The following DGKD variants were observed in gnomAD, a reference collection of about 807,000 sequenced individuals.
DGKD encodes DAG kinase delta.
Under a neutral mutation model 154.4 loss-of-function variants are expected in DGKD, and 68 were observed. The ratio of observed to expected loss-of-function variants is 0.44; its 90% confidence interval spans 0.36 to 0.54. DGKD has a LOEUF of 0.54. Ranked by LOEUF, DGKD falls within the 20% of genes least tolerant of loss-of-function variation. The probability of loss-of-function intolerance (pLI) is 0.00; values close to 1 mark genes in which losing one functional copy is unlikely to be tolerated. For synonymous variants in DGKD, 693 were observed against 638.0 expected, an observed-to-expected ratio of 1.09 and a Z score of -1.30; for missense variants, 1,343 against 1,593.6, an observed-to-expected ratio of 0.84 and a Z score of 2.68.
rs553716078 is a variant in DGKD, at chr2:233,392,949, G to A, written c.348+2466G>A. On this transcript the variant is annotated intron_variant, in intron 3 of 29. Transcript: ENST00000264057. ...TTCTTGTCAGATTTCGTAAACTCTA[G>A]CATTTTTGTTTTCTTTGTTTTTAAA... 2.0e-5 allele frequency among the ~76,000 whole-genome samples: 3 copies of A among 152,242 alleles called. No homozygotes were observed. The East Asian group carries it at 5.8e-4, about 29-fold the overall frequency.
At chr2:233,425,454 T>A (rs1283380242) in intron 3 of DGKD, among the ~76,000 whole-genome samples, 1 of 152,236 alleles carries the variant, frequency 6.6e-6, no homozygotes, top group Non-Finnish European at 1.5e-5. Context: ...CCCAAAGTGC[T>A]GGGATTACAG....
At chr2:233,424,476 C>T (rs571236428) in intron 3 of DGKD, among the ~76,000 whole-genome samples, 3 of 152,318 alleles carry the variant, frequency 2.0e-5, no homozygotes, top group East Asian at 1.9e-4. Context: ...ATGTTGGTAT[C>T]GTCCTTGTGC....
At chr2:233,378,549 C>G (rs1702714869) in intron 1 of DGKD, among the ~76,000 whole-genome samples, 1 of 152,164 alleles carries the variant, frequency 6.6e-6, no homozygotes, top group South Asian at 2.1e-4. Context: ...TGTGCTCAGC[C>G]TTGTTTGTTT....
intron 3 of DGKD, chr2:233,419,114 GAC>G (rs2062036871): frequency 1.9e-6 from 1 of 514,010 alleles, no homozygotes; most frequent in African/African-American, 2.1e-5. Flanking sequence ...AACAGGAAGT[GAC>G]AGAAATGACC....
intron 10 of DGKD, among the ~76,000 whole-genome samples, chr2:233,444,873 C>T (rs2063014024): frequency 0.018 from 1 of 56 alleles, no homozygotes; most frequent in Non-Finnish European, 0.031. Context: ...CCACACACTC[C>T]ACCGCAGCCT....
In DGKD at chr2:233,419,506, A is replaced by G. The variant is rs1362775117; in HGVS notation, c.349-14874A>G. 4.3e-6 allele frequency: 4 copies of G among 930,144 alleles called. No homozygotes were observed. In the Admixed American group the frequency reaches 1.9e-4, roughly 43 times the overall value. 57.6% of individuals were successfully genotyped at this position (930,144 alleles called of 1,614,324 possible). ...AGGTCAGGGTTTGGAATTAAGCGGA[A>G]GGAATTGAGCTTCCTTGTAAGATGC... On this transcript the variant is annotated intron_variant, in intron 3 of 29. Coordinates refer to ENST00000264057, the MANE Select transcript of DGKD (RefSeq NM_152879.3).
chr2:233,468,401 C>T (rs769709432), intron 28 of DGKD, 22 bp from the exon 29 acceptor site: 34 of 1,611,862 alleles, frequency 2.1e-5, no homozygotes, highest in Admixed American at 1.0e-4. Flanking sequence ...TCACTGCACT[C>T]GTGCTTTTCC....
intron 3 of DGKD, among the ~76,000 whole-genome samples, chr2:233,403,586 G>A (rs896868691): frequency 6.6e-6 from 1 of 151,752 alleles, no homozygotes; most frequent in Admixed American, 6.6e-5. Context: ...AGTAAAATAG[G>A]GAGAAAATGT....
chr2:233,453,620 A>G (rs2063358120), intron 18 of DGKD, among the ~76,000 whole-genome samples: 1 of 152,172 alleles, frequency 6.6e-6, no homozygotes, highest in Non-Finnish European at 1.5e-5. Context: ...CCATCCACCC[A>G]TTGAGTTTCT....
chr2:233,355,435 ACTGCTTCCTCAG>A (rs1405089427), intron 1 of DGKD, among the ~76,000 whole-genome samples: 3 of 152,348 alleles, frequency 2.0e-5, no homozygotes, highest in Admixed American at 1.3e-4. Flanking sequence ...CGGTTAGAAC[ACTGCTTCCTCAG>A]GCAGGTGGCT....
At chr2:233,383,976 A>G (rs930862191) in intron 1 of DGKD, among the ~76,000 whole-genome samples, 19 of 152,166 alleles carry the variant, frequency 1.2e-4, no homozygotes, top group African/African-American at 4.3e-4. Flanking sequence ...GATACTCTGT[A>G]GCCGGTAAAA....
chr2:233,356,948 G>T (rs1267462868), intron 1 of DGKD, among the ~76,000 whole-genome samples: 1 of 152,164 alleles, frequency 6.6e-6, no homozygotes, highest in Admixed American at 6.5e-5. Flanking sequence ...CTCACCTTAA[G>T]TATTTGGAAC....
chr2:233,432,653 C>T (rs1384586314), intron 3 of DGKD, among the ~76,000 whole-genome samples: 1 of 151,916 alleles, frequency 6.6e-6, no homozygotes, highest in Non-Finnish European at 1.5e-5. Flanking sequence ...AGTGAGGCTC[C>T]GTCTCAAAAA....
At chr2:233,373,871 A>G (rs1014816846) in intron 1 of DGKD, among the ~76,000 whole-genome samples, 4 of 152,186 alleles carry the variant, frequency 2.6e-5, no homozygotes, top group Admixed American at 1.3e-4. Flanking sequence ...GCATCCCTAA[A>G]CATTTGAATA....
intron 3 of DGKD, among the ~76,000 whole-genome samples, chr2:233,423,984 G>C (rs1463897544): frequency 6.6e-6 from 1 of 152,096 alleles, no homozygotes; most frequent in African/African-American, 2.4e-5. Context: ...TTGATTTTCT[G>C]ATGCCCATGG....
chr2:233,374,516 G>A (rs939155579), intron 1 of DGKD, among the ~76,000 whole-genome samples: 6 of 151,974 alleles, frequency 3.9e-5, no homozygotes, highest in African/African-American at 1.2e-4. Context: ...TAGATTTTTT[G>A]TAGAGATGGC....
chr2:233,464,278 G>A lies in DGKD; in HGVS notation c.3301G>A (p.Glu1101Lys), dbSNP rs991285626. The A allele has an allele frequency of 1.2e-5, 19 of 1,613,592 alleles. No homozygotes were observed. Among genetic ancestry groups the A allele is most frequent in the South Asian group, 4.4e-5 (4 of 91,070 alleles). ...CTGCCAGTCCGCAGAGCCCGGCGAC[G>A]AAGAGGTATGTGGCTCATAGGGCTG... ...WLCQSAEPGD[E>K]ESVMLDLAKR... The change falls in exon 27 of 30, where the codon GAA becomes AAA. Residue 1101 changes from glutamate (E) to lysine (K), a missense_variant. By Grantham distance (56) the Glu-to-Lys change is moderately conservative (BLOSUM62 1). Around this residue, in one of 6 missense-constraint regions of DGKD, gnomAD observed 429 missense variants for 496.3 expected, o/e 0.86. Coordinates refer to ENST00000264057, the MANE Select transcript of DGKD (RefSeq NM_152879.3).
At chr2:233,455,834 A>G (rs923005034) in intron 19 of DGKD, among the ~76,000 whole-genome samples, 2 of 152,192 alleles carry the variant, frequency 1.3e-5, no homozygotes, top group African/African-American at 4.8e-5. Context: ...TAGGAAAACA[A>G]AAGCATCAGA....
chr2:233,454,706 C>T, intron 18 of DGKD, 57 bp from the exon 19 acceptor site: 1 of 1,062,216 alleles, frequency 9.4e-7, no homozygotes, highest in Non-Finnish European at 1.4e-6. Context: ...GGTTGGGAGT[C>T]TGAAATAAGA....
Sources: allele counts gnomAD v4.1 joint callset (sites outside exome capture counted in the v4.1 genomes callset), GRCh38; gene constraint gnomAD v4.1.1; regional missense constraint gnomAD v4.1.1; transcripts MANE v1.5; gene names NCBI Gene and HGNC (gene_info 2026-07-23, HGNC 2026-07-21).